Variants in PDXDC1 observed in about 807,000 individuals in gnomAD.
PDXDC1 encodes the protein pyridoxal dependent decarboxylase domain containing 1.
In PDXDC1, 42 loss-of-function variants were observed where a neutral mutation model predicts 100.1. The ratio of observed to expected loss-of-function variants is 0.42; its 90% CI spans 0.33 to 0.54. The LOEUF is 0.54. Among genes scored for constraint, PDXDC1 ranks in the 20% least tolerant of loss-of-function variants. The pLI is 0.10. For missense variants in PDXDC1, 636 were observed against 979.2 expected, an observed-to-expected ratio of 0.65 and a Z score of 4.68; for synonymous variants, 260 against 371.7, an observed-to-expected ratio of 0.70 and a Z score of 3.46.
intron 16 of PDXDC1, among the ~76,000 whole-genome samples, chr16:15,058,074 G>C (rs1274635787): frequency 6.6e-6 from 1 of 152,176 alleles, no homozygotes; most frequent in Non-Finnish European, 1.5e-5. Context: ...CACTTTGAAA[G>C]GCCGAAGGAG....
At chr16:14,975,721 C>A (rs1404177726) in intron 1 of PDXDC1, 1 of 975,576 alleles carries the variant, frequency 1.0e-6, no homozygotes. Flanking sequence ...CACCTGGGGC[C>A]TTTGGTAAAA....
chr16:15,099,358 T>C (rs1160303568), intron 16 of PDXDC1, among the ~76,000 whole-genome samples: 1 of 136,346 alleles, frequency 7.3e-6, no homozygotes, highest in Non-Finnish European at 1.5e-5. Flanking sequence ...AGGCAGAGGT[T>C]GCAGTGAGCC....
chr16:15,034,279 G>A lies in PDXDC1; in HGVS notation c.1813-7G>A, dbSNP rs769017301. ...AACAAGTAATGTCTTTCTTGGTCTT[G>A]CCACAGCTTCTGGAAAACATGACAG... On this transcript the variant is annotated splice_region_variant and splice_polypyrimidine_tract_variant and intron_variant, in intron 19 of 22. Coordinates refer to ENST00000396410, the MANE Select transcript of PDXDC1 (RefSeq NM_015027.4). 1.2e-6 allele frequency: 2 copies of A among 1,612,638 alleles called. No individual in the cohort carries two copies. The highest frequency in any genetic ancestry group is 1.7e-5 in the Admixed American group (1 of 60,010).
downstream of PDXDC1, among the ~76,000 whole-genome samples, chr16:15,040,673 A>G (rs1016254053): frequency 1.3e-4 from 20 of 152,100 alleles, no homozygotes; most frequent in African/African-American, 4.8e-4. Context: ...AACCTTCCTC[A>G]GTTCCTGATG....
intron 1 of PDXDC1, among the ~76,000 whole-genome samples, chr16:14,986,126 C>T (rs1260199739): frequency 6.6e-6 from 1 of 152,262 alleles, no homozygotes; most frequent in Non-Finnish European, 1.5e-5. Flanking sequence ...GTAAAAAATG[C>T]TCACGAAGGT....
At chr16:15,035,024 C>T (rs1156552783) in intron 21 of PDXDC1, among the ~76,000 whole-genome samples, 3 of 152,182 alleles carry the variant, frequency 2.0e-5, no homozygotes, top group East Asian at 1.9e-4. Flanking sequence ...GTTAACAGTC[C>T]GTGACTCCTT....
chr16:15,036,383 G>T lies in PDXDC1; in HGVS notation c.*108G>T. The T allele has an allele frequency of 8.8e-7, 1 of 1,141,306 alleles. No individual in the cohort carries two copies. The highest frequency in any genetic ancestry group is 1.3e-6 in the Non-Finnish European group (1 of 797,854). 70.7% of individuals were successfully genotyped at this position (1,141,306 alleles called of 1,614,324 possible). A position where few individuals can be genotyped will look rare whatever the true frequency, so the allele number is the denominator to read the frequency against. ...ACTAATATAAATTACTGTTGTTTGT[G>T]CTTCACTGGGATTTTGGCACAAATA... On this transcript the variant is annotated 3_prime_UTR_variant, in exon 23 of 23. Coordinates refer to ENST00000396410, the MANE Select transcript of PDXDC1 (RefSeq NM_015027.4).
At chr16:15,133,699 C>G in intron 16 of PDXDC1, 5 of 1,600,464 alleles carry the variant, frequency 3.1e-6, no homozygotes, top group Admixed American at 3.4e-5. Flanking sequence ...CCGCGTCATG[C>G]CAGCCTGAGG....
At chr16:15,020,086 T>C (rs1036497296) in intron 12 of PDXDC1, among the ~76,000 whole-genome samples, 1 of 116,782 alleles carries the variant, frequency 8.6e-6, no homozygotes, top group Non-Finnish European at 1.6e-5. Flanking sequence ...CACTCCAGCC[T>C]GGGTGACAGA....
chr16:15,142,243 C>G (rs979937361), downstream of PDXDC1, among the ~76,000 whole-genome samples: 11 of 152,134 alleles, frequency 7.2e-5, no homozygotes, highest in East Asian at 5.8e-4. Context: ...AGAGCCCCCC[C>G]GCTCCCCACC....
chr16:15,090,641 T>C (rs1472845463), intron 16 of PDXDC1, among the ~76,000 whole-genome samples: 1 of 152,206 alleles, frequency 6.6e-6, no homozygotes, highest in Non-Finnish European at 1.5e-5. Flanking sequence ...ATTGTTTTCT[T>C]GGTTTCACAC....
intron 1 of PDXDC1, among the ~76,000 whole-genome samples, chr16:14,996,807 C>A (rs1356994811): frequency 6.6e-6 from 1 of 152,288 alleles, no homozygotes. Context: ...CAGTGAGCCA[C>A]GATCAAACCA....
chr16:15,047,451 T>C, intron 16 of PDXDC1: 1 of 1,601,316 alleles, frequency 6.2e-7, no homozygotes, highest in Non-Finnish European at 8.6e-7. Flanking sequence ...CCTTCCACAT[T>C]GAGCGTGGTC....
At chr16:15,129,383 G>A (rs1253371564) in intron 16 of PDXDC1, among the ~76,000 whole-genome samples, 2 of 151,988 alleles carry the variant, frequency 1.3e-5, no homozygotes, top group Non-Finnish European at 2.9e-5. Flanking sequence ...AAGTTGCTGT[G>A]AGCCAAGATC....
At chr16:15,142,253 C>T (rs1455773006), downstream of PDXDC1, among the ~76,000 whole-genome samples, 3 of 152,170 alleles carry the variant, frequency 2.0e-5, no homozygotes, top group African/African-American at 7.2e-5. Flanking sequence ...CGCTCCCCAC[C>T]CATCCCACTG....
intron 16 of PDXDC1, among the ~76,000 whole-genome samples, chr16:15,101,142 C>T (rs557405875): frequency 3.3e-5 from 5 of 152,292 alleles, no homozygotes; most frequent in African/African-American, 1.2e-4. Flanking sequence ...GAGCACATAA[C>T]CACAAACCAC....
intron 11 of PDXDC1, among the ~76,000 whole-genome samples, chr16:15,017,686 GTCTT>G (rs1171816887): frequency 6.6e-6 from 1 of 152,240 alleles, no homozygotes; most frequent in Non-Finnish European, 1.5e-5. Flanking sequence ...AGCAGTGAAC[GTCTT>G]TCTGTGTTTC....
intron 8 of PDXDC1, among the ~76,000 whole-genome samples, chr16:15,012,732 G>C (rs1428672672): frequency 6.6e-6 from 1 of 152,244 alleles, no homozygotes; most frequent in Non-Finnish European, 1.5e-5. Flanking sequence ...TGTACCTGTA[G>C]TCCCAGCTAC....
intron 16 of PDXDC1, among the ~76,000 whole-genome samples, chr16:15,069,302 G>A (rs989685313): frequency 3.9e-5 from 6 of 152,138 alleles, no homozygotes; most frequent in African/African-American, 7.2e-5. Flanking sequence ...AGCCCCCGAC[G>A]ATGAAGGATG....
Sources: gnomAD v4.1 joint callset for allele counts (sites outside exome capture counted in the v4.1 genomes callset) on GRCh38, gnomAD v4.1.1 for gene constraint, MANE v1.5 for transcripts, NCBI Gene and HGNC (gene_info 2026-07-23, HGNC 2026-07-21) for gene names.